The following MOB3B variants were observed in gnomAD, a reference collection of about 807,000 sequenced individuals.
MOB3B encodes the protein MOB kinase activator-like 2B.
Under a neutral mutation model 18.7 loss-of-function variants are expected in MOB3B, and 7 were observed. The ratio of observed to expected loss-of-function variants is 0.37; its 90% CI spans 0.21 to 0.70. The LOEUF is 0.70. Among genes scored for constraint, MOB3B ranks in the 30% least tolerant of loss-of-function variants. The pLI, the probability that MOB3B is intolerant of heterozygous loss-of-function variation, is 0.52. For synonymous variants in MOB3B, 111 were observed against 99.9 expected, an observed-to-expected ratio of 1.11 and a Z score of -0.66; for missense variants, 253 against 281.3, an observed-to-expected ratio of 0.90 and a Z score of 0.72.
At chr9:27,515,991 C>A (rs774250547) in intron 1 of MOB3B, among the ~76,000 whole-genome samples, 7 of 152,154 alleles carry the variant, frequency 4.6e-5, no homozygotes, top group Non-Finnish European at 8.8e-5. Flanking sequence ...ATAAGAAGGC[C>A]ATTGAAGGGC....
At chr9:27,497,746 A>G (rs912074751) in intron 1 of MOB3B, among the ~76,000 whole-genome samples, 1 of 152,220 alleles carries the variant, frequency 6.6e-6, no homozygotes, top group Non-Finnish European at 1.5e-5. Flanking sequence ...ATTAGTAGGA[A>G]ATTAATGAAA....
At chr9:27,488,179 C>T (rs1819759616) in intron 1 of MOB3B, among the ~76,000 whole-genome samples, 2 of 152,092 alleles carry the variant, frequency 1.3e-5, no homozygotes, top group Admixed American at 1.3e-4. Flanking sequence ...ATGTTGTATC[C>T]ATGGGAGGCA....
At chr9:27,489,931 T>C (rs1339069306) in intron 1 of MOB3B, among the ~76,000 whole-genome samples, 1 of 151,990 alleles carries the variant, frequency 6.6e-6, no homozygotes, top group Non-Finnish European at 1.5e-5. Flanking sequence ...TTCATTCACA[T>C]ATATAGTAAA....
chr9:27,503,722 C>G (rs143637875), intron 1 of MOB3B, among the ~76,000 whole-genome samples: 104 of 152,372 alleles, frequency 6.8e-4, no homozygotes, highest in Non-Finnish European at 1.1e-3. Context: ...GGCATTTATT[C>G]TCCCAGTTGG....
At chr9:27,362,547 C>T (rs1478046189) in intron 2 of MOB3B, among the ~76,000 whole-genome samples, 1 of 152,118 alleles carries the variant, frequency 6.6e-6, no homozygotes, top group Non-Finnish European at 1.5e-5. Flanking sequence ...CTAAGTCAGG[C>T]CCCACTCTTC....
chr9:27,353,625 C>T (rs547598572), intron 3 of MOB3B, among the ~76,000 whole-genome samples: 1 of 152,238 alleles, frequency 6.6e-6, no homozygotes, highest in Admixed American at 6.5e-5. Context: ...ACCAAGGTCA[C>T]CCAGGGGTTA....
intron 3 of MOB3B, among the ~76,000 whole-genome samples, chr9:27,331,210 G>C (rs1430439600): frequency 6.6e-6 from 1 of 152,172 alleles, no homozygotes; most frequent in Non-Finnish European, 1.5e-5. Flanking sequence ...GGTATTTATA[G>C]ATCCCGAATA....
intron 2 of MOB3B, among the ~76,000 whole-genome samples, chr9:27,432,965 G>A (rs1327973435): frequency 2.6e-5 from 4 of 152,096 alleles, no homozygotes; most frequent in Non-Finnish European, 5.9e-5. Flanking sequence ...GAGACAGACT[G>A]ATGTTAGAAA....
intron 3 of MOB3B, 116 bp from the exon 4 acceptor site, chr9:27,330,732 G>A (rs572049538): frequency 5.8e-5 from 84 of 1,456,988 alleles, no homozygotes; most frequent in South Asian, 2.1e-4. Flanking sequence ...AAGCTTGCAA[G>A]CATGGTCCAT....
At chr9:27,440,744 G>C (rs1191361210) in intron 2 of MOB3B, among the ~76,000 whole-genome samples, 1 of 151,050 alleles carries the variant, frequency 6.6e-6, no homozygotes, top group Non-Finnish European at 1.5e-5. Flanking sequence ...TTTTTTTAAA[G>C]ATCAATTAGC....
intron 1 of MOB3B, among the ~76,000 whole-genome samples, chr9:27,480,770 G>A (rs1274385200): frequency 6.6e-6 from 1 of 151,878 alleles, no homozygotes; most frequent in Non-Finnish European, 1.5e-5. Flanking sequence ...GAAAGGAAAG[G>A]GGGAAAAAGA....
At chr9:27,381,336 C>T (rs1206719196) in intron 2 of MOB3B, among the ~76,000 whole-genome samples, 1 of 151,130 alleles carries the variant, frequency 6.6e-6, no homozygotes, top group East Asian at 2.0e-4. Context: ...GGTGTTGCCT[C>T]CCCAGTCCCT....
intron 1 of MOB3B, among the ~76,000 whole-genome samples, chr9:27,525,258 A>G (rs986500793): frequency 2.6e-5 from 4 of 152,202 alleles, no homozygotes; most frequent in Non-Finnish European, 4.4e-5. Context: ...GAGCTTTGCT[A>G]TATATACCAC....
intron 1 of MOB3B, among the ~76,000 whole-genome samples, chr9:27,468,707 C>G (rs956437866): frequency 2.0e-5 from 3 of 152,220 alleles, no homozygotes; most frequent in Non-Finnish European, 4.4e-5. Flanking sequence ...AACTCAGTAA[C>G]TTTTTGTGGT....
At chr9:27,407,027 C>T (rs1161018958) in intron 2 of MOB3B, among the ~76,000 whole-genome samples, 5 of 151,902 alleles carry the variant, frequency 3.3e-5, no homozygotes, top group South Asian at 2.1e-4. Context: ...TTATTAGCGA[C>T]GGGGTTTCAC....
chr9:27,493,687 C>T (rs530635066), intron 1 of MOB3B, among the ~76,000 whole-genome samples: 1 of 152,146 alleles, frequency 6.6e-6, no homozygotes, highest in East Asian at 1.9e-4. Flanking sequence ...CAATCAATAC[C>T]CTTGTGATTT....
intron 2 of MOB3B, among the ~76,000 whole-genome samples, chr9:27,374,053 T>C (rs148511445): frequency 1.3e-4 from 20 of 152,374 alleles, no homozygotes; most frequent in Non-Finnish European, 2.4e-4. Flanking sequence ...TCCAGCTGTT[T>C]CTATACGTCA....
intron 3 of MOB3B, among the ~76,000 whole-genome samples, chr9:27,333,091 G>A (rs1292100574): frequency 6.6e-6 from 1 of 152,132 alleles, no homozygotes; most frequent in Non-Finnish European, 1.5e-5. Flanking sequence ...AGAGAGTATG[G>A]ACACTAGAAA....
intron 2 of MOB3B, among the ~76,000 whole-genome samples, chr9:27,425,848 T>C (rs1200907202): frequency 1.3e-5 from 2 of 152,184 alleles, no homozygotes; most frequent in African/African-American, 4.8e-5. Flanking sequence ...AAGCTTACAT[T>C]CTACCATCTT....
Sources: gnomAD v4.1 joint callset for allele counts (sites outside exome capture counted in the v4.1 genomes callset) on GRCh38, gnomAD v4.1.1 for gene constraint, MANE v1.5 for transcripts, NCBI Gene and HGNC (gene_info 2026-07-23, HGNC 2026-07-21) for gene names.